Variants in BRSK1 observed in about 807,000 individuals in gnomAD.
BRSK1 encodes the protein BR serine/threonine kinase 1, also known as serine/threonine-protein kinase BRSK1.
BRSK1 carries 17 observed loss-of-function variants against 86.2 expected under a neutral mutation model. The ratio of observed to expected loss-of-function variants is 0.20; its 90% CI spans 0.14 to 0.30. BRSK1 has a LOEUF of 0.30. Ranked by LOEUF, BRSK1 falls within the 10% of genes least tolerant of loss-of-function variation. BRSK1 has a pLI of 1.00. For missense variants in BRSK1, 719 were observed against 1,071.9 expected (o/e 0.67, Z 4.60); for synonymous variants, 464 against 440.1 (o/e 1.05, Z -0.68).
chr19:55,284,672 TG>T (rs1188659552), intron 1 of BRSK1, 94 bp downstream of exon 1: 1 of 1,082,448 alleles, frequency 9.2e-7, no homozygotes, highest in Non-Finnish European at 1.2e-6. Flanking sequence ...AGGGGCTGGC[TG>T]CCCAGACCCC....
Position 55,304,315 on chromosome 19 carries a change from C to T in BRSK1, c.1347+205C>T, listed in dbSNP as rs1366537915. 1.3e-5 allele frequency among the ~76,000 whole-genome samples: 2 copies of T among 152,202 alleles called. No homozygotes were observed. Among genetic ancestry groups the T allele is most frequent in the Admixed American group, 1.3e-4 (2 of 15,272 alleles). ...GGATTGCATGCCTGAAGAGATTTTA[C>T]AAAAGTTAGTTGAGTGCCTGCTGTG... On this transcript the variant is annotated intron_variant, in intron 13 of 18. Transcript: ENST00000309383. The surrounding 1 kb of genome is among the most constrained non-coding windows in gnomAD (Gnocchi z 5.2).
At chr19:55,308,023 G>T (rs2088688339) in intron 17 of BRSK1, among the ~76,000 whole-genome samples, 3 of 141,002 alleles carry the variant, frequency 2.1e-5, no homozygotes, top group African/African-American at 8.8e-5. Flanking sequence ...GTTGTTGTTT[G>T]GTTTTTTTTT....
rs752448106 is a variant in BRSK1, at chr19:55,304,147, A to AAGGGG, written c.1347+38_1347+42dup. On this transcript the variant is annotated intron_variant, in intron 13 of 18. Coordinates refer to ENST00000309383, the MANE Select transcript of BRSK1 (RefSeq NM_032430.2). The surrounding 1 kb of genome is among the most constrained non-coding windows in gnomAD (Gnocchi z 5.2). ...TCCCCAGTGGGATTTAAGAAGGAGAAAGGGGTGGAGACATGGAGCAAAGAT... is the reference window on the plus strand; with the variant it reads ...TCCCCAGTGGGATTTAAGAAGGAGAAAGGGGAGGGGTGGAGACATGGAGCAAAGAT... The AAGGGG allele has an allele frequency of 1.3e-6, 2 of 1,585,830 alleles. No homozygotes were observed. The highest frequency in any genetic ancestry group is 2.2e-5 in the East Asian group (1 of 44,732).
Position 55,284,240 on chromosome 19 carries a change from A to AC in BRSK1, c.-196dup, listed in dbSNP as rs964956096. ...GGGCCATGCTGACTCCCGGGGCCTG[A>AC]CCCCCCCGGGCCAGCCCCCCCTCCC... On this transcript the variant is annotated 5_prime_UTR_variant, in exon 1 of 19. Coordinates refer to ENST00000309383, the MANE Select transcript of BRSK1 (RefSeq NM_032430.2). 68 of 482,492 alleles carry AC rather than the reference A, an allele frequency of 1.4e-4. No individual in the cohort carries two copies. Among genetic ancestry groups the AC allele is most frequent in the Middle Eastern group, 6.2e-4 (1 of 1,612 alleles). The allele number at this position is 482,492 out of a possible 1,614,324, so 29.9% of individuals were successfully genotyped here.
chr19:55,310,836 G>A lies in BRSK1; in HGVS notation c.2180-1075G>A, dbSNP rs1357315234. On this transcript the variant is annotated intron_variant, in intron 18 of 18. Coordinates refer to ENST00000309383, the MANE Select transcript of BRSK1 (RefSeq NM_032430.2). This position sits in a 1 kb window ranked among gnomAD's most constrained non-coding sequence, Gnocchi z 5.0. ...TCAGCAACCAGGGGTCTCAAAACGG[G>A]CACACCCTGGAAGATGTAGGACTAA... Among the ~76,000 whole-genome samples the A allele has an allele frequency of 1.3e-5, 2 of 152,122 alleles. No individual in the cohort carries two copies. Among genetic ancestry groups the A allele is most frequent in the African/African-American group, 4.8e-5 (2 of 41,428 alleles).
chr19:55,295,432 G>A (rs1751408438), intron 7 of BRSK1, among the ~76,000 whole-genome samples: 3 of 152,234 alleles, frequency 2.0e-5, no homozygotes, highest in South Asian at 4.1e-4. Flanking sequence ...CCCATCTCTC[G>A]AATATTTCAC....
chr19:55,303,065 T>C lies in BRSK1; in HGVS notation c.1028+198T>C, dbSNP rs1189407343. On this transcript the variant is annotated intron_variant, in intron 10 of 18. Transcript: ENST00000309383. The surrounding 1 kb of genome is among the most constrained non-coding windows in gnomAD (Gnocchi z 5.1). ...GAAAGTATTAATAGATGCTGCGACA[T>C]AGTACTTACATATACATAGTACTTA... 11 of 674,504 alleles carry C rather than the reference T, an allele frequency of 1.6e-5. No homozygotes were observed. In the East Asian group the frequency reaches 3.0e-4, roughly 18 times the overall value. 41.8% of individuals were successfully genotyped at this position (674,504 alleles called of 1,614,324 possible). A position where few individuals can be genotyped will look rare whatever the true frequency, so the allele number is the denominator to read the frequency against.
Position 55,303,025 on chromosome 19 carries a change from C to T in BRSK1, c.1028+158C>T. Reference sequence around the variant, plus strand: ...TGATGGAACCAGCGGAGAAAACGGCCCAGAAACACGCTGAGAAAGTATTAA... The same window carrying T: ...TGATGGAACCAGCGGAGAAAACGGCTCAGAAACACGCTGAGAAAGTATTAA... On this transcript the variant is annotated intron_variant, in intron 10 of 18. Coordinates refer to ENST00000309383, the MANE Select transcript of BRSK1 (RefSeq NM_032430.2). The surrounding 1 kb of genome is among the most constrained non-coding windows in gnomAD (Gnocchi z 5.1). 1 of 895,612 alleles carries T rather than the reference C, an allele frequency of 1.1e-6. No homozygotes were observed. Among genetic ancestry groups the T allele is most frequent in the Non-Finnish European group, 1.7e-6 (1 of 601,916 alleles). 55.5% of individuals were successfully genotyped at this position (895,612 alleles called of 1,614,324 possible).
Position 55,306,219 on chromosome 19 carries a change from G to T in BRSK1, c.1891-33G>T, listed in dbSNP as rs1046809774. Reference sequence around the variant, plus strand: ...GTGGGGCTGGGTATCCATTTCCTGGGCTCACCCCTTCCTGTGTTCCTACCT... The same window carrying T: ...GTGGGGCTGGGTATCCATTTCCTGGTCTCACCCCTTCCTGTGTTCCTACCT... On this transcript the variant is annotated intron_variant, in intron 16 of 18. Transcript: ENST00000309383. This position sits in a 1 kb window ranked among gnomAD's most constrained non-coding sequence, Gnocchi z 4.7. 2.5e-6 allele frequency: 4 copies of T among 1,609,712 alleles called. No individual in the cohort carries two copies. Among genetic ancestry groups the T allele is most frequent in the Non-Finnish European group, 3.4e-6 (4 of 1,177,430 alleles).
intron 4 of BRSK1, among the ~76,000 whole-genome samples, chr19:55,292,688 G>A (rs1304405041): frequency 2.0e-5 from 3 of 152,004 alleles, no homozygotes; most frequent in Non-Finnish European, 4.4e-5. Context: ...ACAAAAATTA[G>A]CTGGGCGTGG....
chr19:55,301,748 C>G, intron 8 of BRSK1, 90 bp downstream of exon 8: 1 of 1,448,024 alleles, frequency 6.9e-7, no homozygotes, highest in South Asian at 1.3e-5. Context: ...GTTTCCAGAA[C>G]CTGCTCGTCA....
At chr19:55,309,771 C>G (rs1338830176) in intron 18 of BRSK1, among the ~76,000 whole-genome samples, 2 of 152,246 alleles carry the variant, frequency 1.3e-5, no homozygotes, top group East Asian at 3.8e-4. Context: ...CTCGCCCAAG[C>G]AACCAGAGGT....
chr19:55,293,305 T>A (rs2088436029), intron 4 of BRSK1, among the ~76,000 whole-genome samples: 2 of 152,122 alleles, frequency 1.3e-5, no homozygotes, highest in South Asian at 4.1e-4. Flanking sequence ...CACTCCAGCC[T>A]AGGCAACAGA....
At chr19:55,291,772 A>G (rs1355825626) in intron 4 of BRSK1, among the ~76,000 whole-genome samples, 2 of 151,944 alleles carry the variant, frequency 1.3e-5, no homozygotes, top group Non-Finnish European at 2.9e-5. Context: ...GTCTTTTTTT[A>G]TTTTTTGAGA....
At position 55,284,315 on chromosome 19, in the gene BRSK1, A is replaced by G; in HGVS notation, c.-128A>G. 1 of 756,546 alleles carries G rather than the reference A, an allele frequency of 1.3e-6. No individual in the cohort carries two copies. Among genetic ancestry groups the G allele is most frequent in the Non-Finnish European group, 1.8e-6 (1 of 559,384 alleles). 46.9% of individuals were successfully genotyped at this position (756,546 alleles called of 1,614,324 possible). ...GGGGGGCCAGCCCAGCCCCCTGGGGACCCCCGGAGAGGTGGGGGGCAGCCG... is the reference window on the plus strand; with the variant it reads ...GGGGGGCCAGCCCAGCCCCCTGGGGGCCCCCGGAGAGGTGGGGGGCAGCCG... On this transcript the variant is annotated 5_prime_UTR_variant, in exon 1 of 19. Transcript: ENST00000309383.
chr19:55,289,793 G>A (rs557910575), intron 4 of BRSK1, among the ~76,000 whole-genome samples, 173 bp downstream of exon 4: 108 of 152,188 alleles, frequency 7.1e-4, no homozygotes, highest in African/African-American at 9.9e-4. Flanking sequence ...TAATTCAGTG[G>A]TTTTTGATAT....
chr19:55,306,207 T>C lies in BRSK1; in HGVS notation c.1891-45T>C. 1 of 1,599,320 alleles carries C rather than the reference T, an allele frequency of 6.3e-7. No individual in the cohort carries two copies. The highest frequency in any genetic ancestry group is 1.3e-5 in the African/African-American group (1 of 74,790). On this transcript the variant is annotated intron_variant, in intron 16 of 18. Transcript: ENST00000309383. This position sits in a 1 kb window ranked among gnomAD's most constrained non-coding sequence, Gnocchi z 4.7. ...CCAGAGCTGGTCGTGGGGCTGGGTA[T>C]CCATTTCCTGGGCTCACCCCTTCCT... is the stretch of plus-strand genomic sequence containing the variant.
chr19:55,291,403 A>C (rs1310304322), intron 4 of BRSK1, among the ~76,000 whole-genome samples: 2 of 152,054 alleles, frequency 1.3e-5, no homozygotes, highest in Non-Finnish European at 2.9e-5. Flanking sequence ...AATTAGCTGG[A>C]TGTGGTGGCG....
Position 55,304,961 on chromosome 19 carries a change from G to A in BRSK1, c.1717+41G>A. 1.3e-6 allele frequency: 2 copies of A among 1,595,128 alleles called. No homozygotes were observed. Among genetic ancestry groups the A allele is most frequent in the Non-Finnish European group, 1.7e-6 (2 of 1,177,470 alleles). Reference sequence around the variant, plus strand: ...CTGCCGAGTCCTAATGTGGGGAGAGGTTGGGGCTAAAAATCTGGTTCCAGG... The same window carrying A: ...CTGCCGAGTCCTAATGTGGGGAGAGATTGGGGCTAAAAATCTGGTTCCAGG... On this transcript the variant is annotated intron_variant, in intron 14 of 18. Coordinates refer to ENST00000309383, the MANE Select transcript of BRSK1 (RefSeq NM_032430.2). The surrounding 1 kb of genome is among the most constrained non-coding windows in gnomAD (Gnocchi z 5.2).
Sources: allele counts gnomAD v4.1 joint callset (sites outside exome capture counted in the v4.1 genomes callset), GRCh38; gene constraint gnomAD v4.1.1; non-coding constraint Gnocchi (gnomAD v3.1); transcripts MANE v1.5; gene names NCBI Gene and HGNC (gene_info 2026-07-23, HGNC 2026-07-21).